Variants in IL15RA observed in about 807,000 individuals in gnomAD.
IL15RA encodes interleukin 15 receptor subunit alpha.
Under a neutral mutation model 24.2 loss-of-function variants are expected in IL15RA, and 26 were observed. The observed-to-expected ratio is 1.07, with a 90% CI of 0.79 to 1.49. IL15RA has a LOEUF of 1.49. IL15RA is among the 40% of genes most tolerant of loss of function. The pLI is 0.00. For missense variants in IL15RA, 354 were observed against 356.4 expected (o/e 0.99, Z 0.05); for synonymous variants, 166 against 157.6 (o/e 1.05, Z -0.40).
At chr10:5,972,075 C>A (rs1197695989) in intron 1 of IL15RA, among the ~76,000 whole-genome samples, 3 of 152,192 alleles carry the variant, frequency 2.0e-5, no homozygotes, top group Non-Finnish European at 4.4e-5. Flanking sequence ...CACCACCCAC[C>A]AGAACGATTT....
chr10:5,977,709 C>G, upstream of IL15RA: 2 of 1,162,358 alleles, frequency 1.7e-6, no homozygotes, highest in Non-Finnish European at 2.2e-6. Flanking sequence ...CCGGCCGCCG[C>G]GGCACCGCAC....
chr10:5,970,719 TTTTA>T lies in IL15RA; in HGVS notation c.89-4384_89-4381del, dbSNP rs1471476528. 2.7e-5 allele frequency among the ~76,000 whole-genome samples: 4 copies of T among 149,578 alleles called. No homozygotes were observed. Among genetic ancestry groups the T allele is most frequent in the Non-Finnish European group, 4.4e-5 (3 of 67,804 alleles). ...TTTTATTATTTTATTTTTAAAATGA[TTTTA>T]TTTTATTTCATTATTATTTTATTTT... On this transcript the variant is annotated intron_variant, in intron 1 of 6. Coordinates refer to ENST00000379977, the MANE Select transcript of IL15RA (RefSeq NM_002189.4). The surrounding 1 kb of genome is among the most constrained non-coding windows in gnomAD (Gnocchi z 4.1).
At chr10:5,969,016 G>A in intron 1 of IL15RA, 2 of 1,520,548 alleles carry the variant, frequency 1.3e-6, no homozygotes, top group Non-Finnish European at 1.8e-6. Flanking sequence ...TCCTGAGCAA[G>A]GACTAAGTGT....
chr10:5,974,384 C>G (rs1284276199), intron 1 of IL15RA, among the ~76,000 whole-genome samples: 1 of 152,090 alleles, frequency 6.6e-6, no homozygotes, highest in African/African-American at 2.4e-5. Context: ...AAGCACATAA[C>G]ATCACCAGCT....
chr10:5,969,358 A>ATTAAAATTTTTAAATTAAATTTT (rs1564514747), intron 1 of IL15RA, among the ~76,000 whole-genome samples: 2 of 3,218 alleles, frequency 6.2e-4, no homozygotes, highest in Non-Finnish European at 0.011. Flanking sequence ...AATTTTTTAA[A>ATTAAAATTTTTAAATTAAATTTT]TTAAATTAAA....
rs1309392378 is a variant in IL15RA, at chr10:5,963,827, C to G, written c.298G>C (p.Val100Leu). The change falls in exon 3 of 7, where the codon GTT becomes CTT. Residue 100 changes from valine (V) to leucine (L), a missense_variant. Transcript: ENST00000379977. The surrounding 1 kb of genome is among the most constrained non-coding windows in gnomAD (Gnocchi z 5.3). ...SLKCIRDPAL[V>L]HQRPAPPSTV... ...GAGGGTGGCGCTGGCCTTTGGTGAA[C>G]CAGGGCAGGGTCTCCTAGAGAGAGG... 2 of 1,553,338 alleles carry G rather than the reference C, an allele frequency of 1.3e-6. No individual in the cohort carries two copies. Among genetic ancestry groups the G allele is most frequent in the Non-Finnish European group, 1.7e-6 (2 of 1,158,360 alleles).
rs927883059 is a variant in IL15RA at position 5,955,476 on chromosome 10, G to A, written c.692+903C>T. On this transcript the variant is annotated intron_variant, in intron 6 of 6. Coordinates refer to ENST00000379977, the MANE Select transcript of IL15RA (RefSeq NM_002189.4). This position sits in a 1 kb window ranked among gnomAD's most constrained non-coding sequence, Gnocchi z 5.3. ...ACTATTAATAGTAACTAAAAGTTTA[G>A]TTTGGACAAATCTGATATCCGTATC... Among the ~76,000 whole-genome samples, 3 of 152,138 alleles carry A rather than the reference G, an allele frequency of 2.0e-5. No individual in the cohort carries two copies. Among genetic ancestry groups the A allele is most frequent in the Non-Finnish European group, 4.4e-5 (3 of 68,042 alleles).
Position 5,960,226 on chromosome 10 carries a change from C to T in IL15RA, c.583+141G>A, listed in dbSNP as rs1835268590. Reference sequence around the variant, plus strand: ...AAGAGGTCAGGCCAGGACGCCGTGGCTGGTGGCCGGGGCCAGCAGGCTGCC... The same window carrying T: ...AAGAGGTCAGGCCAGGACGCCGTGGTTGGTGGCCGGGGCCAGCAGGCTGCC... On this transcript the variant is annotated intron_variant, in intron 4 of 6. Coordinates refer to ENST00000379977, the MANE Select transcript of IL15RA (RefSeq NM_002189.4). This position sits in a 1 kb window ranked among gnomAD's most constrained non-coding sequence, Gnocchi z 5.1. 1.2e-6 allele frequency: 1 copy of T among 802,034 alleles called. No individual in the cohort carries two copies. The allele number at this position is 802,034 out of a possible 1,614,324, so 49.7% of individuals were successfully genotyped here. A position where few individuals can be genotyped will look rare whatever the true frequency, so the allele number is the denominator to read the frequency against.
rs8177692 is a variant in IL15RA at position 5,962,049 on chromosome 10, T to C, written c.383-1482A>G. Among the ~76,000 whole-genome samples the C allele has an allele frequency of 0.25, 37,598 of 152,144 alleles. 5,046 individuals are homozygous for C. The highest frequency in any genetic ancestry group is 0.31 in the East Asian group (1,581 of 5,160). ...ATCGGGGCTTCTGACTGCACCATTGTGTCTCGACAATGGCCATCGGACCAG... is the reference window on the plus strand; with the variant it reads ...ATCGGGGCTTCTGACTGCACCATTGCGTCTCGACAATGGCCATCGGACCAG... On this transcript the variant is annotated intron_variant, in intron 3 of 6. Transcript: ENST00000379977. The surrounding 1 kb of genome is among the most constrained non-coding windows in gnomAD (Gnocchi z 5.2).
Position 5,967,845 on chromosome 10 carries a change from G to A in IL15RA, c.89-1506C>T, listed in dbSNP as rs995455229. Among the ~76,000 whole-genome samples, 2 of 152,068 alleles carry A rather than the reference G, an allele frequency of 1.3e-5. No homozygotes were observed. The highest frequency in any genetic ancestry group is 2.9e-5 in the Non-Finnish European group (2 of 68,000). ...AGGCTGAGGCAGGCGAATCACCTGA[G>A]GTCAGGAGTTCAGGACCAGCCTGGC... On this transcript the variant is annotated intron_variant, in intron 1 of 6. Coordinates refer to ENST00000379977, the MANE Select transcript of IL15RA (RefSeq NM_002189.4). This position sits in a 1 kb window ranked among gnomAD's most constrained non-coding sequence, Gnocchi z 4.4.
intron 1 of IL15RA, among the ~76,000 whole-genome samples, chr10:5,974,089 T>C (rs1263610609): frequency 6.6e-6 from 1 of 151,964 alleles, no homozygotes; most frequent in Non-Finnish European, 1.5e-5. Flanking sequence ...AACCTCTGCC[T>C]CCAGGGTTCA....
At position 5,970,732 on chromosome 10, in the gene IL15RA, CATT is replaced by C. The variant is rs1229706138; in HGVS notation, c.89-4396_89-4394del. Among the ~76,000 whole-genome samples, 1 of 140,148 alleles carries C rather than the reference CATT, an allele frequency of 7.1e-6. No individual in the cohort carries two copies. The highest frequency in any genetic ancestry group is 1.5e-5 in the Non-Finnish European group (1 of 66,142). 91.9% of individuals were successfully genotyped at this position (140,148 alleles called of 152,430 possible). A position where few individuals can be genotyped will look rare whatever the true frequency, so the allele number is the denominator to read the frequency against. ...TTTTTAAAATGATTTTATTTTATTT[CATT>C]ATTATTTTATTTTATTTTATTTTAT... On this transcript the variant is annotated intron_variant, in intron 1 of 6. Coordinates refer to ENST00000379977, the MANE Select transcript of IL15RA (RefSeq NM_002189.4). This position sits in a 1 kb window ranked among gnomAD's most constrained non-coding sequence, Gnocchi z 4.1.
rs1836656407 is a variant in IL15RA at position 5,966,905 on chromosome 10, G to C, written c.89-566C>G. 6.6e-6 allele frequency among the ~76,000 whole-genome samples: 1 copy of C among 152,124 alleles called. No individual in the cohort carries two copies. Among genetic ancestry groups the C allele is most frequent in the Non-Finnish European group, 1.5e-5 (1 of 68,020 alleles). ...GAGAATTGCTTGAACCTGGGAGGCA[G>C]AGGTTGCAGTGAGCCACGATCACAC... On this transcript the variant is annotated intron_variant, in intron 1 of 6. Transcript: ENST00000379977. This position sits in a 1 kb window ranked among gnomAD's most constrained non-coding sequence, Gnocchi z 6.4.
chr10:5,974,836 C>T (rs1040786549), intron 1 of IL15RA, among the ~76,000 whole-genome samples: 7 of 151,820 alleles, frequency 4.6e-5, no homozygotes, highest in African/African-American at 7.3e-5. Flanking sequence ...GAGATGGAGC[C>T]ACTGCACTTC....
Position 5,977,472 on chromosome 10 carries a change from G to C in IL15RA, c.21C>G (p.Arg7=). ...CCGGGAGACCGAGGGTCCGGCAGCC[G>C]CGCGCCCGCCGCGGGGCCATGGCGG... MAPRRA[R]GCRTLGLPAL... Residue 7 remains arginine (R), a synonymous_variant, in exon 1 of 7, where the codon CGC becomes CGG. Transcript: ENST00000379977. 7.4e-7 allele frequency: 1 copy of C among 1,357,860 alleles called. No homozygotes were observed. Among genetic ancestry groups the C allele is most frequent in the South Asian group, 1.8e-5 (1 of 56,600 alleles). The allele number at this position is 1,357,860 out of a possible 1,614,324, so 84.1% of individuals were successfully genotyped here. A position where few individuals can be genotyped will look rare whatever the true frequency, so the allele number is the denominator to read the frequency against.
chr10:5,972,241 G>A (rs1237409205), intron 1 of IL15RA, among the ~76,000 whole-genome samples: 5 of 152,172 alleles, frequency 3.3e-5, no homozygotes, highest in Non-Finnish European at 7.3e-5. Context: ...AGGGAATCAT[G>A]CCTTTCCAAG....
Position 5,956,425 on chromosome 10 carries a change from A to C in IL15RA, c.646T>G (p.Cys216Gly). The C allele has an allele frequency of 6.2e-7, 1 of 1,614,128 alleles. No homozygotes were observed. The highest frequency in any genetic ancestry group is 8.5e-7 in the Non-Finnish European group (1 of 1,179,974). Residue 216 changes from cysteine (C) to glycine (G), a missense_variant, in exon 6 of 7, where the codon TGT becomes GGT. Coordinates refer to ENST00000379977, the MANE Select transcript of IL15RA (RefSeq NM_002189.4). ...VAISTSTVLL[C>G]GLSAVSLLAC... ...AGGAGAGACACAGCGCTCAGCCCAC[A>C]CAGCAGGACAGTGGACGTGGAGATA... is the stretch of plus-strand genomic sequence containing the variant.
In IL15RA at chr10:5,962,591, CAAAA is replaced by C. The variant is rs1353262028; in HGVS notation, c.382+1148_382+1151del. ...TGGGCAATAGAGCAAGACCCCATCT[CAAAA>C]AAAAAAAAAAAAAAGATCCACCTGG... On this transcript the variant is annotated intron_variant, in intron 3 of 6. Transcript: ENST00000379977. The surrounding 1 kb of genome is among the most constrained non-coding windows in gnomAD (Gnocchi z 5.2). Among the ~76,000 whole-genome samples, 5 of 108,982 alleles carry C rather than the reference CAAAA, an allele frequency of 4.6e-5. No individual in the cohort carries two copies. Among genetic ancestry groups the C allele is most frequent in the Admixed American group, 1.0e-4 (1 of 9,976 alleles). The allele number at this position is 108,982 out of a possible 152,430, so 71.5% of individuals were successfully genotyped here. A position where few individuals can be genotyped will look rare whatever the true frequency, so the allele number is the denominator to read the frequency against.
At chr10:5,950,213 T>C (rs1208855746), downstream of IL15RA, among the ~76,000 whole-genome samples, 1 of 151,998 alleles carries the variant, frequency 6.6e-6, no homozygotes, top group Non-Finnish European at 1.5e-5. This position sits in a 1 kb window ranked among gnomAD's most constrained non-coding sequence, Gnocchi z 5.6. Context: ...GAGGAGGAGA[T>C]GTGAATCATT....
Sources: allele counts gnomAD v4.1 joint callset (sites outside exome capture counted in the v4.1 genomes callset), GRCh38; gene constraint gnomAD v4.1.1; non-coding constraint Gnocchi (gnomAD v3.1); transcripts MANE v1.5; gene names NCBI Gene and HGNC (gene_info 2026-07-23, HGNC 2026-07-21).